Variants in MYLK4 observed in about 807,000 individuals in gnomAD.
MYLK4 encodes myosin light chain kinase family member 4.
A neutral mutation model predicts 48.1 loss-of-function variants in MYLK4; 46 were observed. The ratio of observed to expected loss-of-function variants is 0.96; its 90% CI spans 0.75 to 1.22. The LOEUF is 1.22. MYLK4 is among the 50% of genes most tolerant of loss of function. MYLK4 has a pLI of 0.00. For missense variants in MYLK4, 451 were observed against 486.1 expected (o/e 0.93, Z 0.68); for synonymous variants, 170 against 180.8 (o/e 0.94, Z 0.48).
rs1024329165 is a variant in MYLK4 at position 2,673,315 on chromosome 6, T to C, written c.1119+1732A>G. On this transcript the variant is annotated intron_variant, in intron 11 of 12. Transcript: ENST00000274643. The surrounding 1 kb of genome is among the most constrained non-coding windows in gnomAD (Gnocchi z 4.2). ...ACCCACTAGGTAATAAGTCTATTTT[T>C]ACTTGACATCAGTACCAATTATCAA... Among the ~76,000 whole-genome samples, 23 of 152,246 alleles carry C rather than the reference T, an allele frequency of 1.5e-4. No homozygotes were observed. The highest frequency in any genetic ancestry group is 1.5e-3 in the Admixed American group (23 of 15,284).
chr6:2,740,824 TTTG>T (rs992788348), intron 2 of MYLK4, among the ~76,000 whole-genome samples: 8 of 152,236 alleles, frequency 5.3e-5, no homozygotes, highest in African/African-American at 1.9e-4. Flanking sequence ...GGAAGTGGAC[TTTG>T]TTGTTGTCAC....
rs376411274 is a variant in MYLK4, at chr6:2,664,395, A to G, written c.*3530T>C. The stretch of plus-strand genomic sequence containing the variant: ...AGGACCACAGCCCTCCAGGGGCCTG[A>G]TGCTGCCTCTCACTTGTGCTTTTAC... On this transcript the variant is annotated 3_prime_UTR_variant, in exon 13 of 13. Coordinates refer to ENST00000274643, the MANE Select transcript of MYLK4 (RefSeq NM_001012418.5). 206 of 152,352 alleles carry G rather than the reference A, an allele frequency of 1.4e-3. 1 individual carries two copies. The highest frequency in any genetic ancestry group is 4.7e-3 in the African/African-American group (197 of 41,580). 9.4% of individuals were successfully genotyped at this position (152,352 alleles called of 1,614,324 possible). A position where few individuals can be genotyped will look rare whatever the true frequency, so the allele number is the denominator to read the frequency against.
chr6:2,726,781 T>A (rs1323229259), intron 2 of MYLK4, among the ~76,000 whole-genome samples: 1 of 152,044 alleles, frequency 6.6e-6, no homozygotes, highest in African/African-American at 2.4e-5. Context: ...CCAGGCTAAT[T>A]TTTTTATTTT....
intron 6 of MYLK4, among the ~76,000 whole-genome samples, chr6:2,684,801 G>A (rs1403031816): frequency 3.3e-5 from 5 of 152,086 alleles, no homozygotes; most frequent in Admixed American, 6.5e-5. Flanking sequence ...AGTGTCCTCC[G>A]GTTTTGGTAT....
chr6:2,678,150 A>G (rs1341548597), intron 10 of MYLK4, 70 bp downstream of exon 10: 11 of 1,538,666 alleles, frequency 7.1e-6, no homozygotes, highest in Non-Finnish European at 9.7e-6. Context: ...AAATTCGAAC[A>G]GCCCTGGTGG....
rs1046711804 is a variant in MYLK4, at chr6:2,666,495, C to G, written c.*1430G>C. ...TGAGCCGAGATGGGGCCACTGCACT[C>G]CAGCCTCGTGACAGAGCGAGACTCC... is the stretch of plus-strand genomic sequence containing the variant. On this transcript the variant is annotated 3_prime_UTR_variant, in exon 13 of 13. Coordinates refer to ENST00000274643, the MANE Select transcript of MYLK4 (RefSeq NM_001012418.5). The G allele has an allele frequency of 2.6e-5, 4 of 152,096 alleles. No homozygotes were observed. The highest frequency in any genetic ancestry group is 9.7e-5 in the African/African-American group (4 of 41,360). The allele number at this position is 152,096 out of a possible 1,614,324, so 9.4% of individuals were successfully genotyped here.
At chr6:2,761,890 T>A in the MYLK4 span, among the ~76,000 whole-genome samples, 1 of 152,138 alleles carries the variant, frequency 6.6e-6, no homozygotes, top group Non-Finnish European at 1.5e-5. Flanking sequence ...AAAAAGGAAA[T>A]GGCATTATAC....
intron 4 of MYLK4, among the ~76,000 whole-genome samples, chr6:2,688,013 G>A (rs576218679): frequency 6.6e-6 from 1 of 152,146 alleles, no homozygotes; most frequent in African/African-American, 2.4e-5. Context: ...AGCAGGAAGC[G>A]GGTCCCTGAT....
intron 2 of MYLK4, among the ~76,000 whole-genome samples, chr6:2,697,169 C>A (rs1762093336): frequency 1.3e-5 from 2 of 152,136 alleles, no homozygotes; most frequent in Admixed American, 6.5e-5. Flanking sequence ...TTACTGATGG[C>A]AGCACAAAAT....
At chr6:2,714,166 G>C (rs1273948888) in intron 2 of MYLK4, among the ~76,000 whole-genome samples, 1 of 152,180 alleles carries the variant, frequency 6.6e-6, no homozygotes, top group Non-Finnish European at 1.5e-5. Flanking sequence ...CAGAGGAAGT[G>C]AAGAAACCAG....
At chr6:2,691,236 G>T (rs1758672375) in intron 3 of MYLK4, among the ~76,000 whole-genome samples, 1 of 152,204 alleles carries the variant, frequency 6.6e-6, no homozygotes, top group South Asian at 2.1e-4. Flanking sequence ...ACATCTGGCA[G>T]TGTTGAAGTT....
At chr6:2,699,294 T>TTTC (rs1762194899) in intron 2 of MYLK4, among the ~76,000 whole-genome samples, 4 of 120,354 alleles carry the variant, frequency 3.3e-5, no homozygotes, top group African/African-American at 1.3e-4. Context: ...TTTCTTTTTT[T>TTTC]TTTTTTTTTT....
chr6:2,760,507 T>G, the MYLK4 span, among the ~76,000 whole-genome samples: 1 of 152,238 alleles, frequency 6.6e-6, no homozygotes, highest in African/African-American at 2.4e-5. Flanking sequence ...CCCCTGAGAT[T>G]GAGCTGGTCC....
the MYLK4 span, among the ~76,000 whole-genome samples, chr6:2,769,804 C>T: frequency 6.6e-6 from 1 of 152,108 alleles, no homozygotes; most frequent in Non-Finnish European, 1.5e-5. Context: ...CCAGTTCAGC[C>T]TTTGGTAGAA....
chr6:2,669,998 C>T (rs973637987), intron 12 of MYLK4, among the ~76,000 whole-genome samples: 3 of 152,162 alleles, frequency 2.0e-5, no homozygotes, highest in Non-Finnish European at 2.9e-5. Flanking sequence ...AAATTCAAGG[C>T]AGCTTACAAT....
chr6:2,735,844 C>T (rs575690378), intron 2 of MYLK4, among the ~76,000 whole-genome samples: 44 of 152,194 alleles, frequency 2.9e-4, no homozygotes, highest in African/African-American at 1.0e-3. Flanking sequence ...AACAATGAAG[C>T]GGAACAGAAA....
chr6:2,698,467 G>C (rs538080351), intron 2 of MYLK4, among the ~76,000 whole-genome samples: 1 of 152,336 alleles, frequency 6.6e-6, no homozygotes, highest in South Asian at 2.1e-4. Context: ...CCTGGGCTCC[G>C]CAGAGTCTTT....
intron 2 of MYLK4, among the ~76,000 whole-genome samples, chr6:2,693,982 C>G (rs535721154): frequency 6.6e-6 from 1 of 152,128 alleles, no homozygotes. Context: ...TGGTCTTGGA[C>G]TCCTGACCTC....
chr6:2,678,420 C>A, intron 9 of MYLK4, 48 bp from the exon 10 acceptor site: 2 of 1,596,072 alleles, frequency 1.3e-6, no homozygotes, highest in Non-Finnish European at 1.7e-6. Context: ...CAGCCTCAAC[C>A]CCTTTCCATA....
Sources: allele counts gnomAD v4.1 joint callset (sites outside exome capture counted in the v4.1 genomes callset), GRCh38; gene constraint gnomAD v4.1.1; non-coding constraint Gnocchi (gnomAD v3.1); transcripts MANE v1.5; gene names NCBI Gene and HGNC (gene_info 2026-07-23, HGNC 2026-07-21).